The following CFAP20DC variants were observed in gnomAD, a reference collection of about 807,000 sequenced individuals.
The protein encoded by CFAP20DC is CFAP20 domain containing.
In CFAP20DC, 84 loss-of-function variants were observed where a neutral mutation model predicts 101.7. The ratio of observed to expected loss-of-function variants is 0.83; its 90% CI spans 0.69 to 0.99. The LOEUF (loss-of-function observed/expected upper bound fraction) is 0.99. Among genes scored for constraint, CFAP20DC ranks in the 50% least tolerant of loss-of-function variants. The pLI is 0.00. For missense variants in CFAP20DC, 1,007 were observed against 970.3 expected (o/e 1.04, Z -0.50); for synonymous variants, 359 against 351.2 (o/e 1.02, Z -0.25).
intron 14 of CFAP20DC, among the ~76,000 whole-genome samples, chr3:58,831,042 G>A (rs951975154): frequency 6.6e-6 from 1 of 152,202 alleles, no homozygotes; most frequent in Non-Finnish European, 1.5e-5. Context: ...AGGTGTGGAA[G>A]CTTGGACCCA....
At chr3:58,811,224 C>T (rs1295810017) in intron 14 of CFAP20DC, among the ~76,000 whole-genome samples, 2 of 151,974 alleles carry the variant, frequency 1.3e-5, no homozygotes, top group Non-Finnish European at 2.9e-5. Context: ...CATACGGAAC[C>T]AAAAAAGAGC....
intron 4 of CFAP20DC, among the ~76,000 whole-genome samples, chr3:58,969,742 C>A (rs1049782660): frequency 3.3e-5 from 5 of 151,958 alleles, no homozygotes; most frequent in Admixed American, 3.3e-4. Flanking sequence ...ATGGATAAAC[C>A]TTGAAAACAT....
intron 14 of CFAP20DC, among the ~76,000 whole-genome samples, chr3:58,809,142 A>T (rs2074381073): frequency 6.6e-6 from 1 of 151,972 alleles, no homozygotes; most frequent in South Asian, 2.1e-4. Flanking sequence ...CACTGTCAAC[A>T]TTAGACAGAA....
rs116441759 is a variant in CFAP20DC at position 59,042,725 on chromosome 3, T to C, written c.206-3096A>G. On this transcript the variant is annotated intron_variant, in intron 3 of 16. Transcript: ENST00000482387. ...ATTACTCTGGCTGCTAATTTGACAA[T>C]AGACTGTAATACAGAGGCCAAGTCA... Among the ~76,000 whole-genome samples, 1,498 of 152,206 alleles carry C rather than the reference T, an allele frequency of 9.8e-3. 28 individuals carry two copies. The highest frequency in any genetic ancestry group is 0.034 in the African/African-American group (1,405 of 41,510).
rs533207458 is a variant in CFAP20DC, at chr3:58,717,901, C to G, written c.198-273G>C. ...GAAGGGAAGGAGAAAATTGGGTAAA[C>G]TAACCAATGATGCCAGTCATGACTG... On this transcript the variant is annotated intron_variant, in intron 3 of 3. Transcript: ENST00000486145. This position sits in a 1 kb window ranked among gnomAD's most constrained non-coding sequence, Gnocchi z 4.1. Among the ~76,000 whole-genome samples, 11 of 152,274 alleles carry G rather than the reference C, an allele frequency of 7.2e-5. No individual in the cohort carries two copies. Among genetic ancestry groups the G allele is most frequent in the South Asian group, 2.1e-4 (1 of 4,804 alleles).
At chr3:59,036,769 T>C (rs565160930) in intron 4 of CFAP20DC, among the ~76,000 whole-genome samples, 1 of 152,140 alleles carries the variant, frequency 6.6e-6, no homozygotes, top group South Asian at 2.1e-4. Flanking sequence ...ACCACTGAAT[T>C]AGAAAAAACT....
chr3:58,921,166 G>A (rs2085325100), intron 5 of CFAP20DC, among the ~76,000 whole-genome samples: 1 of 151,818 alleles, frequency 6.6e-6, no homozygotes, highest in Non-Finnish European at 1.5e-5. Context: ...TCTAGCTAGT[G>A]ATTTATCACT....
At chr3:58,935,003 T>A (rs375196385) in intron 5 of CFAP20DC, among the ~76,000 whole-genome samples, 1 of 152,280 alleles carries the variant, frequency 6.6e-6, no homozygotes, top group East Asian at 1.9e-4. Context: ...GCAGATGACA[T>A]GATTGTATAT....
Position 58,884,712 on chromosome 3 carries a change from G to A in CFAP20DC, c.551-3C>T, listed in dbSNP as rs2108654420. On this transcript the variant is annotated splice_polypyrimidine_tract_variant and splice_region_variant and intron_variant, in intron 6 of 16. Transcript: ENST00000482387. Reference sequence around the variant, plus strand: ...TGAAAAGGGAACACCATAGACAGCTGGAAATAAAGACAAACATTCATTTTC... The same window carrying A: ...TGAAAAGGGAACACCATAGACAGCTAGAAATAAAGACAAACATTCATTTTC... 1.9e-6 allele frequency: 3 copies of A among 1,585,720 alleles called. No individual in the cohort carries two copies. The highest frequency in any genetic ancestry group is 2.3e-5 in the South Asian group (2 of 86,944).
chr3:58,917,967 T>C (rs2084918483), intron 5 of CFAP20DC, among the ~76,000 whole-genome samples: 2 of 152,150 alleles, frequency 1.3e-5, no homozygotes, highest in Admixed American at 6.6e-5. Context: ...CAGCAATCCA[T>C]GTGTACCTCC....
At chr3:58,879,559 A>T (rs570637589) in intron 7 of CFAP20DC, among the ~76,000 whole-genome samples, 2 of 152,366 alleles carry the variant, frequency 1.3e-5, no homozygotes, top group African/African-American at 4.8e-5. Flanking sequence ...CCTGGTAAGT[A>T]CTAAGCATTG....
intron 4 of CFAP20DC, among the ~76,000 whole-genome samples, chr3:59,020,242 CT>C (rs1220848709): frequency 1.1e-4 from 16 of 152,056 alleles, no homozygotes; most frequent in African/African-American, 3.6e-4. Context: ...AAGAAAAGCT[CT>C]TTTGGGCTCT....
chr3:58,869,513 A>T lies in CFAP20DC; in HGVS notation c.853-23T>A. 1 of 1,523,068 alleles carries T rather than the reference A, an allele frequency of 6.6e-7. No homozygotes were observed. Among genetic ancestry groups the T allele is most frequent in the Non-Finnish European group, 8.8e-7 (1 of 1,131,812 alleles). 94.3% of individuals were successfully genotyped at this position (1,523,068 alleles called of 1,614,324 possible). ...TGTCTGTAAAGGAATTAATCTGTAC[A>T]TTTTAAAATATAGCAACTACATTTG... On this transcript the variant is annotated intron_variant, in intron 8 of 16. Transcript: ENST00000482387. The surrounding 1 kb of genome is among the most constrained non-coding windows in gnomAD (Gnocchi z 4.3).
At position 58,945,511 on chromosome 3, in the gene CFAP20DC, C is replaced by T. The variant is rs190664765; in HGVS notation, c.279-7749G>A. On this transcript the variant is annotated intron_variant, in intron 4 of 16. Coordinates refer to ENST00000482387, the MANE Select transcript of CFAP20DC (RefSeq NM_001394063.1). Reference sequence around the variant, plus strand: ...TATCTTACAACTAAAATTTTGGAGGCTAATCTTATTTTCCTCATTCCCAGG... The same window carrying T: ...TATCTTACAACTAAAATTTTGGAGGTTAATCTTATTTTCCTCATTCCCAGG... Among the ~76,000 whole-genome samples the T allele has an allele frequency of 9.5e-4, 145 of 152,168 alleles. No homozygotes were observed. The Middle Eastern group carries it at 0.014, about 14-fold the overall frequency.
chr3:58,791,857 A>G (rs1189005238), intron 15 of CFAP20DC, among the ~76,000 whole-genome samples: 1 of 152,188 alleles, frequency 6.6e-6, no homozygotes, highest in Non-Finnish European at 1.5e-5. Flanking sequence ...TCACACCTAC[A>G]ATGTAAATGT....
intron 13 of CFAP20DC, among the ~76,000 whole-genome samples, chr3:58,838,394 C>A (rs933778499): frequency 1.3e-5 from 2 of 152,080 alleles, no homozygotes; most frequent in Admixed American, 6.6e-5. Context: ...TTTTAGCATG[C>A]GACCCTGAAG....
At chr3:58,935,319 A>G (rs1369667352) in intron 5 of CFAP20DC, among the ~76,000 whole-genome samples, 40 of 152,080 alleles carry the variant, frequency 2.6e-4, no homozygotes, top group Non-Finnish European at 4.7e-4. Context: ...GGGTAGGAAG[A>G]ATCAATATTG....
At chr3:59,017,089 T>C (rs969272581) in intron 4 of CFAP20DC, 3 of 152,140 alleles carry the variant, frequency 2.0e-5, no homozygotes, top group Admixed American at 1.3e-4. Flanking sequence ...CCCTCTGAAA[T>C]CTTCTCTTTA....
intron 4 of CFAP20DC, among the ~76,000 whole-genome samples, chr3:58,955,128 C>A (rs1465260859): frequency 6.6e-6 from 1 of 151,986 alleles, no homozygotes; most frequent in Non-Finnish European, 1.5e-5. Flanking sequence ...AGAACAATCC[C>A]ATCATCTCAA....
Sources: gnomAD v4.1 joint callset for allele counts (sites outside exome capture counted in the v4.1 genomes callset) on GRCh38, gnomAD v4.1.1 for gene constraint, Gnocchi (gnomAD v3.1) non-coding constraint, MANE v1.5 for transcripts, NCBI Gene and HGNC (gene_info 2026-07-23, HGNC 2026-07-21) for gene names.